The following TBC1D5 variants were observed in gnomAD, a reference collection of about 807,000 sequenced individuals.
The protein encoded by TBC1D5 is TBC1 domain family, member 5.
Under a neutral mutation model 100.3 loss-of-function variants are expected in TBC1D5, and 75 were observed. The ratio of observed to expected loss-of-function variants is 0.75; its 90% CI spans 0.62 to 0.91. TBC1D5 has a LOEUF of 0.91. TBC1D5 is among the 40% of genes least tolerant of loss of function. The probability of loss-of-function intolerance (pLI) is 0.00; values close to 1 mark genes in which losing one functional copy is unlikely to be tolerated. For synonymous variants in TBC1D5, 323 were observed against 325.6 expected (o/e 0.99, Z 0.09); for missense variants, 910 against 942.4 (o/e 0.97, Z 0.45).
At chr3:17,434,909 A>C (rs2094508276) in intron 3 of TBC1D5, among the ~76,000 whole-genome samples, 1 of 152,114 alleles carries the variant, frequency 6.6e-6, no homozygotes, top group African/African-American at 2.4e-5. Context: ...AATTTCTTCC[A>C]CCAGATACCC....
intron 19 of TBC1D5, among the ~76,000 whole-genome samples, chr3:17,171,342 T>C (rs1180894894): frequency 6.6e-6 from 1 of 152,204 alleles, no homozygotes; most frequent in Non-Finnish European, 1.5e-5. Flanking sequence ...GTTTATGTTA[T>C]TAGCAGCTGT....
chr3:17,407,150 C>A (rs950469218), intron 4 of TBC1D5, among the ~76,000 whole-genome samples: 28 of 152,122 alleles, frequency 1.8e-4, no homozygotes, highest in African/African-American at 6.8e-4. Context: ...GAGTACCTTG[C>A]AGTACCTATG....
At chr3:17,381,923 T>G (rs1390812320) in intron 9 of TBC1D5, among the ~76,000 whole-genome samples, 2 of 152,070 alleles carry the variant, frequency 1.3e-5, no homozygotes, top group African/African-American at 4.8e-5. Flanking sequence ...AATATCCTTT[T>G]CTTTATTTTA....
chr3:17,545,340 C>CTCA (rs2096404442), intron 2 of TBC1D5, among the ~76,000 whole-genome samples: 1 of 152,168 alleles, frequency 6.6e-6, no homozygotes, highest in Non-Finnish European at 1.5e-5. Flanking sequence ...ACTTACAAGC[C>CTCA]AAACAGACCT....
chr3:17,335,540 G>A (rs1355730423), intron 13 of TBC1D5, among the ~76,000 whole-genome samples: 1 of 151,958 alleles, frequency 6.6e-6, no homozygotes, highest in Non-Finnish European at 1.5e-5. Flanking sequence ...AATTTCCTTG[G>A]TGATAATTGC....
At chr3:17,365,934 C>T (rs1413409078) in intron 13 of TBC1D5, among the ~76,000 whole-genome samples, 2 of 152,148 alleles carry the variant, frequency 1.3e-5, no homozygotes, top group Non-Finnish European at 1.5e-5. Flanking sequence ...TCCTTCATTT[C>T]CTCATCAACA....
At chr3:17,508,830 C>A (rs1162512051) in intron 2 of TBC1D5, among the ~76,000 whole-genome samples, 2 of 152,092 alleles carry the variant, frequency 1.3e-5, no homozygotes, top group African/African-American at 2.4e-5. Flanking sequence ...CATTTATAAT[C>A]TTTATCTTAA....
intron 3 of TBC1D5, among the ~76,000 whole-genome samples, chr3:17,449,076 C>T (rs921909855): frequency 6.6e-6 from 1 of 152,092 alleles, no homozygotes; most frequent in Non-Finnish European, 1.5e-5. Context: ...GTGGGTGCAG[C>T]CCACCGAGGG....
intron 1 of TBC1D5, among the ~76,000 whole-genome samples, chr3:17,651,560 AC>A (rs2065569034): frequency 6.6e-6 from 1 of 152,136 alleles, no homozygotes. Flanking sequence ...AATACAAAAA[AC>A]TTCGTCGGGC....
chr3:17,680,260 C>T (rs1266888274), intron 1 of TBC1D5, among the ~76,000 whole-genome samples: 1 of 148,758 alleles, frequency 6.7e-6, no homozygotes, highest in African/African-American at 2.5e-5. Flanking sequence ...AAGACAGGGT[C>T]TTGCTATGTC....
At chr3:17,437,566 G>A (rs941380685) in intron 3 of TBC1D5, among the ~76,000 whole-genome samples, 1 of 150,982 alleles carries the variant, frequency 6.6e-6, no homozygotes, top group Non-Finnish European at 1.5e-5. Flanking sequence ...GTATGCATGT[G>A]TGTGTGTGTG....
At chr3:17,211,757 T>A (rs952591552) in intron 18 of TBC1D5, among the ~76,000 whole-genome samples, 1 of 152,230 alleles carries the variant, frequency 6.6e-6, no homozygotes, top group African/African-American at 2.4e-5. Flanking sequence ...TCTTATTCTT[T>A]GAGGGTTTAT....
chr3:17,392,205 TTTTA>T (rs1016299241), intron 8 of TBC1D5, among the ~76,000 whole-genome samples: 3 of 151,992 alleles, frequency 2.0e-5, no homozygotes, highest in African/African-American at 4.8e-5. Context: ...CCCTTAGATT[TTTTA>T]TTTTTTATTA....
At chr3:17,619,774 A>G (rs2062495543) in intron 2 of TBC1D5, among the ~76,000 whole-genome samples, 1 of 152,242 alleles carries the variant, frequency 6.6e-6, no homozygotes, top group African/African-American at 2.4e-5. Flanking sequence ...CAACATCAAA[A>G]AACAGGTAAC....
chr3:17,437,514 A>G (rs927845579), intron 3 of TBC1D5, among the ~76,000 whole-genome samples: 5 of 151,854 alleles, frequency 3.3e-5, no homozygotes, highest in Non-Finnish European at 5.9e-5. Context: ...GTACCAGATC[A>G]TATCTGATAA....
chr3:17,309,606 T>G (rs896022297), intron 13 of TBC1D5, among the ~76,000 whole-genome samples: 1 of 152,112 alleles, frequency 6.6e-6, no homozygotes, highest in Non-Finnish European at 1.5e-5. Flanking sequence ...AATTTTTTTT[T>G]GTCTAATATG....
intron 18 of TBC1D5, among the ~76,000 whole-genome samples, chr3:17,206,994 G>A (rs1359617095): frequency 1.3e-5 from 2 of 152,096 alleles, no homozygotes; most frequent in African/African-American, 4.8e-5. Flanking sequence ...GAGGTCAGTG[G>A]CACAATCACA....
chr3:17,395,265 A>G (rs1041432585), intron 8 of TBC1D5, among the ~76,000 whole-genome samples: 2 of 152,066 alleles, frequency 1.3e-5, no homozygotes, highest in African/African-American at 4.8e-5. Flanking sequence ...CACGCCTCCA[A>G]AAACATCTTT....
rs559647779 is a variant in TBC1D5, at chr3:17,465,362, T to C, written c.98-36843A>G. On this transcript the variant is annotated intron_variant, in intron 3 of 21. Coordinates refer to ENST00000253692, the Ensembl canonical transcript of TBC1D5. ...AACAAAGCTGTCTGGGCCAAAGGAA[T>C]AAGGAATGTGCCATACCATATCCAT... 18 of 187,072 alleles carry C rather than the reference T, an allele frequency of 9.6e-5. No homozygotes were observed. In the South Asian group the frequency reaches 1.8e-3, roughly 19 times the overall value. 11.6% of individuals were successfully genotyped at this position (187,072 alleles called of 1,614,324 possible).
Sources: gnomAD v4.1 joint callset for allele counts (sites outside exome capture counted in the v4.1 genomes callset) on GRCh38, gnomAD v4.1.1 for gene constraint, MANE v1.5 for transcripts, NCBI Gene and HGNC (gene_info 2026-07-23, HGNC 2026-07-21) for gene names.